Variants in PTPRD observed in about 807,000 individuals in gnomAD.
PTPRD encodes protein tyrosine phosphatase receptor type D, also known as receptor-type tyrosine-protein phosphatase delta.
A neutral mutation model predicts 214.5 loss-of-function variants in PTPRD; 34 were observed. That is an observed-to-expected ratio of 0.16 (90% CI 0.12 to 0.21). The LOEUF (loss-of-function observed/expected upper bound fraction) is 0.21, where lower values mean the gene tolerates loss of function less well. Among genes scored for constraint, PTPRD ranks in the 10% least tolerant of loss-of-function variants. The pLI is 1.00. For synonymous variants in PTPRD, 1,128 were observed against 845.7 expected (o/e 1.33, Z -5.79); for missense variants, 2,545 against 2,398.7 (o/e 1.06, Z -1.27).
chr9:10,534,162 G>C (rs1220974059), intron 2 of PTPRD, among the ~76,000 whole-genome samples: 1 of 151,774 alleles, frequency 6.6e-6, no homozygotes, highest in Admixed American at 6.6e-5. Context: ...CAGCATTGTA[G>C]TGTAATGTGA....
chr9:10,560,357 A>G (rs1430847108), intron 2 of PTPRD, among the ~76,000 whole-genome samples: 1 of 151,342 alleles, frequency 6.6e-6, no homozygotes, highest in Non-Finnish European at 1.5e-5. Context: ...GAATTGAACA[A>G]TGATAACACA....
At chr9:9,709,270 T>A (rs1295500959) in intron 7 of PTPRD, among the ~76,000 whole-genome samples, 7 of 151,994 alleles carry the variant, frequency 4.6e-5, no homozygotes, top group Admixed American at 3.3e-4. Context: ...AGTATTGTTA[T>A]TATAAAATGC....
At chr9:8,506,304 G>A (rs2097542122) in intron 22 of PTPRD, among the ~76,000 whole-genome samples, 1 of 152,068 alleles carries the variant, frequency 6.6e-6, no homozygotes, top group African/African-American at 2.4e-5. Flanking sequence ...TATGTGTGAA[G>A]TTCTCAAACA....
At chr9:9,766,506 A>C (rs1459636359) in intron 6 of PTPRD, among the ~76,000 whole-genome samples, 1 of 152,190 alleles carries the variant, frequency 6.6e-6, no homozygotes, top group Non-Finnish European at 1.5e-5. Context: ...GTCATTAAAG[A>C]CATGTTAAAC....
chr9:9,614,273 C>T lies in PTPRD; in HGVS notation c.-286-39492G>A, dbSNP rs186332141. Among the ~76,000 whole-genome samples the T allele has an allele frequency of 3.0e-3, 460 of 152,212 alleles. 8 individuals are homozygous for T. The highest frequency in any genetic ancestry group is 0.027 in the Admixed American group (406 of 15,288). On this transcript the variant is annotated intron_variant, in intron 7 of 45. Coordinates refer to ENST00000381196, the MANE Select transcript of PTPRD (RefSeq NM_002839.4). ...TGTGATACATTCAAATACCATGTCACTTTGCTATAATAAAGCAATTCTCAG... is the reference window on the plus strand; with the variant it reads ...TGTGATACATTCAAATACCATGTCATTTTGCTATAATAAAGCAATTCTCAG...
chr9:9,638,250 C>A (rs2095835293), intron 7 of PTPRD, among the ~76,000 whole-genome samples: 1 of 152,080 alleles, frequency 6.6e-6, no homozygotes, highest in Non-Finnish European at 1.5e-5. Context: ...TCATTTCTCT[C>A]TTTTCACATT....
intron 7 of PTPRD, among the ~76,000 whole-genome samples, chr9:9,698,132 A>G (rs1372510087): frequency 6.6e-6 from 1 of 152,156 alleles, no homozygotes; most frequent in Non-Finnish European, 1.5e-5. Context: ...CCATCTTATT[A>G]GGGTCTTTCA....
In PTPRD at chr9:9,479,150, A is replaced by G. The variant is rs140420609; in HGVS notation, c.-236-81668T>C. 3.1e-3 allele frequency among the ~76,000 whole-genome samples: 443 copies of G among 144,896 alleles called. 1 individual carries two copies. The highest frequency in any genetic ancestry group is 4.9e-3 in the Admixed American group (69 of 14,014). ...TAAGAAGAACTAGATGGTCATTTTTATTGTCCAAAAATAGTTCTTATATGA... is the reference window on the plus strand; with the variant it reads ...TAAGAAGAACTAGATGGTCATTTTTGTTGTCCAAAAATAGTTCTTATATGA... On this transcript the variant is annotated intron_variant, in intron 8 of 45. Coordinates refer to ENST00000381196, the MANE Select transcript of PTPRD (RefSeq NM_002839.4).
At chr9:8,729,696 C>T (rs2098633770) in intron 12 of PTPRD, among the ~76,000 whole-genome samples, 1 of 152,226 alleles carries the variant, frequency 6.6e-6, no homozygotes, top group African/African-American at 2.4e-5. Context: ...ATCAAAATGA[C>T]AAAGATATGG....
At chr9:10,478,274 G>A (rs1268865130) in intron 2 of PTPRD, among the ~76,000 whole-genome samples, 1 of 152,074 alleles carries the variant, frequency 6.6e-6, no homozygotes, top group Non-Finnish European at 1.5e-5. Context: ...ATGGCAAGAA[G>A]CCCATTTTTC....
intron 13 of PTPRD, among the ~76,000 whole-genome samples, chr9:8,634,869 A>G (rs1038956062): frequency 2.0e-5 from 3 of 151,680 alleles, no homozygotes; most frequent in South Asian, 4.2e-4. Context: ...CATACAATAT[A>G]CCACACATTA....
chr9:9,758,568 A>G lies in PTPRD; in HGVS notation c.-326+8242T>C, dbSNP rs16924740. ...AAGTACATAAAGCCAAAGATAGAAC[A>G]GTGGCTACAACCAACAAAGGAGAGA... On this transcript the variant is annotated intron_variant, in intron 6 of 45. Transcript: ENST00000381196. Among the ~76,000 whole-genome samples the G allele has an allele frequency of 0.037, 5,610 of 152,288 alleles. 551 individuals are homozygous for G. In the East Asian group the frequency reaches 0.38, roughly 10 times the overall value.
chr9:9,676,544 G>T (rs1004370116), intron 7 of PTPRD, among the ~76,000 whole-genome samples: 3 of 151,960 alleles, frequency 2.0e-5, no homozygotes, highest in Non-Finnish European at 4.4e-5. Flanking sequence ...CATTTGGCTT[G>T]GTTCCAAGTC....
At chr9:10,082,816 CACACACACACACACACACACACAA>C (rs1460492524) in intron 3 of PTPRD, among the ~76,000 whole-genome samples, 2 of 128,998 alleles carry the variant, frequency 1.6e-5, no homozygotes, top group South Asian at 2.5e-4. Context: ...TCCTCCTACA[CACACACACACACACACACACACAA>C]ACACACACAC....
At chr9:8,852,606 T>C (rs1566621350) in intron 11 of PTPRD, among the ~76,000 whole-genome samples, 1 of 152,198 alleles carries the variant, frequency 6.6e-6, no homozygotes, top group Non-Finnish European at 1.5e-5. Context: ...CAATACTACT[T>C]GCCTGCTGGT....
At chr9:9,727,655 G>A (rs1250342882) in intron 7 of PTPRD, among the ~76,000 whole-genome samples, 1 of 152,064 alleles carries the variant, frequency 6.6e-6, no homozygotes, top group Non-Finnish European at 1.5e-5. Context: ...GGGCAATTAT[G>A]AATATAATGT....
At chr9:8,801,967 C>T (rs2096580932) in intron 11 of PTPRD, among the ~76,000 whole-genome samples, 1 of 152,154 alleles carries the variant, frequency 6.6e-6, no homozygotes, top group Admixed American at 6.5e-5. Flanking sequence ...ATAATTCCCA[C>T]TTACTTTACC....
At chr9:10,468,878 G>T (rs907342455) in intron 2 of PTPRD, among the ~76,000 whole-genome samples, 1 of 152,042 alleles carries the variant, frequency 6.6e-6, no homozygotes, top group Non-Finnish European at 1.5e-5. Flanking sequence ...TATTAAAGAA[G>T]AAAGGTCATA....
intron 8 of PTPRD, among the ~76,000 whole-genome samples, chr9:9,489,269 G>A (rs1339279050): frequency 2.6e-5 from 4 of 151,994 alleles, no homozygotes; most frequent in African/African-American, 9.7e-5. Context: ...AATAAAACAC[G>A]AACATTCCAA....
Sources: gnomAD v4.1 joint callset for allele counts (sites outside exome capture counted in the v4.1 genomes callset) on GRCh38, gnomAD v4.1.1 for gene constraint, MANE v1.5 for transcripts, NCBI Gene and HGNC (gene_info 2026-07-23, HGNC 2026-07-21) for gene names.